The following ALK variants were observed in gnomAD, a reference collection of about 807,000 sequenced individuals.
ALK encodes ALK receptor tyrosine kinase.
A neutral mutation model predicts 163.1 loss-of-function variants in ALK; 74 were observed. That is an observed-to-expected ratio of 0.45 (90% confidence interval 0.38 to 0.55). ALK has a LOEUF of 0.55. Among genes scored for constraint, ALK ranks in the 20% least tolerant of loss-of-function variants. ALK has a pLI of 0.00. For synonymous variants in ALK, 960 were observed against 843.2 expected (o/e 1.14, Z -2.40); for missense variants, 2,063 against 2,105.3 (o/e 0.98, Z 0.39).
chr2:29,573,218 C>T (rs1172906656), intron 3 of ALK, among the ~76,000 whole-genome samples: 1 of 152,200 alleles, frequency 6.6e-6, no homozygotes, highest in Non-Finnish European at 1.5e-5. Flanking sequence ...CCAGCTGCTC[C>T]ATAAACACCT....
chr2:29,529,049 G>A (rs1673042888), intron 4 of ALK, among the ~76,000 whole-genome samples: 1 of 152,174 alleles, frequency 6.6e-6, no homozygotes, highest in Non-Finnish European at 1.5e-5. Flanking sequence ...AGGCAACCAG[G>A]AAGGCAGCAG....
chr2:29,713,364 AG>A (rs1679161825), intron 2 of ALK, among the ~76,000 whole-genome samples: 1 of 152,224 alleles, frequency 6.6e-6, no homozygotes, highest in Non-Finnish European at 1.5e-5. Context: ...GTCAATCCCC[AG>A]GGACCATAGT....
chr2:29,851,982 T>C (rs1427709056), intron 1 of ALK, among the ~76,000 whole-genome samples: 1 of 152,210 alleles, frequency 6.6e-6, no homozygotes, highest in Non-Finnish European at 1.5e-5. Flanking sequence ...CTGTATTTTC[T>C]TATGTGCAGC....
chr2:29,590,105 A>G (rs1675004659), intron 3 of ALK, among the ~76,000 whole-genome samples: 2 of 152,234 alleles, frequency 1.3e-5, no homozygotes, highest in Non-Finnish European at 2.9e-5. Context: ...ACCAGCCAAC[A>G]CTTGAATACA....
Position 29,721,008 on chromosome 2 carries a change from G to A in ALK, c.668-3311C>T, listed in dbSNP as rs76398241. ...AGATGAGAAAGGAGTGGGGAAATAGGAGCAGGAGCTTCTAGGTGCCCAAGT... is the reference window on the plus strand; with the variant it reads ...AGATGAGAAAGGAGTGGGGAAATAGAAGCAGGAGCTTCTAGGTGCCCAAGT... On this transcript the variant is annotated intron_variant, in intron 1 of 28. Transcript: ENST00000389048. Among the ~76,000 whole-genome samples, 1,213 of 152,272 alleles carry A rather than the reference G, an allele frequency of 8.0e-3. 15 individuals carry two copies. Among genetic ancestry groups the A allele is most frequent in the African/African-American group, 0.028 (1,179 of 41,554 alleles).
At chr2:29,595,590 A>G (rs527684834) in intron 3 of ALK, among the ~76,000 whole-genome samples, 29 of 152,222 alleles carry the variant, frequency 1.9e-4, no homozygotes, top group African/African-American at 5.3e-4. Context: ...AAAGTGCTGA[A>G]ATTACAGGCG....
chr2:29,306,339 C>T (rs915149070), intron 8 of ALK, among the ~76,000 whole-genome samples: 1 of 152,212 alleles, frequency 6.6e-6, no homozygotes, highest in African/African-American at 2.4e-5. Flanking sequence ...ACACTATGCT[C>T]TGTGTTCTTT....
intron 4 of ALK, among the ~76,000 whole-genome samples, chr2:29,475,100 C>T (rs1269628317): frequency 6.6e-6 from 1 of 152,158 alleles, no homozygotes; most frequent in Non-Finnish European, 1.5e-5. Flanking sequence ...TCTCTGAGCC[C>T]TTCCGCTGAC....
chr2:29,266,296 C>T (rs1366501413), intron 11 of ALK, among the ~76,000 whole-genome samples: 6 of 152,118 alleles, frequency 3.9e-5, no homozygotes, highest in Non-Finnish European at 8.8e-5. Context: ...ACACAAAATT[C>T]AAGATATTAA....
intron 1 of ALK, among the ~76,000 whole-genome samples, chr2:29,855,727 G>A (rs1012151976): frequency 9.9e-5 from 15 of 152,200 alleles, no homozygotes; most frequent in Non-Finnish European, 1.8e-4. Context: ...TTGGACAGAC[G>A]GAGACCTTGC....
At chr2:29,260,929 C>A (rs1665071623) in intron 11 of ALK, among the ~76,000 whole-genome samples, 1 of 151,990 alleles carries the variant, frequency 6.6e-6, no homozygotes, top group African/African-American at 2.4e-5. Context: ...TTTATCTGGA[C>A]ATTCTCTTAT....
intron 3 of ALK, among the ~76,000 whole-genome samples, chr2:29,638,102 C>T (rs1676595517): frequency 6.6e-6 from 1 of 152,152 alleles, no homozygotes; most frequent in Non-Finnish European, 1.5e-5. Flanking sequence ...CTAAAGCACA[C>T]CTTAAACTTG....
intron 3 of ALK, among the ~76,000 whole-genome samples, chr2:29,562,007 T>C (rs988152420): frequency 4.6e-5 from 7 of 152,086 alleles, no homozygotes; most frequent in Non-Finnish European, 1.0e-4. Flanking sequence ...GAACTTTGGA[T>C]TAATAGAGAG....
intron 1 of ALK, among the ~76,000 whole-genome samples, chr2:29,851,856 GTAGAGCAGGCA>G (rs1224045967): frequency 6.6e-6 from 1 of 152,224 alleles, no homozygotes; most frequent in Non-Finnish European, 1.5e-5. Flanking sequence ...CTGGGAGAGG[GTAGAGCAGGCA>G]TAGACTGCTC....
At chr2:29,303,497 A>G (rs1355211429) in intron 8 of ALK, among the ~76,000 whole-genome samples, 1 of 152,262 alleles carries the variant, frequency 6.6e-6, no homozygotes, top group African/African-American at 2.4e-5. Context: ...AACTAAAAAC[A>G]GAACTACCAT....
At chr2:29,299,714 A>C (rs1188234177) in intron 8 of ALK, among the ~76,000 whole-genome samples, 2 of 152,218 alleles carry the variant, frequency 1.3e-5, no homozygotes, top group Non-Finnish European at 2.9e-5. Flanking sequence ...GGTGGATAAA[A>C]ATGAATGACA....
At chr2:29,372,989 C>G (rs1668673292) in intron 5 of ALK, among the ~76,000 whole-genome samples, 1 of 151,456 alleles carries the variant, frequency 6.6e-6, no homozygotes, top group Non-Finnish European at 1.5e-5. Flanking sequence ...TGCTTCACAG[C>G]CACATTTTTT....
chr2:29,470,308 A>G (rs2148110599), intron 4 of ALK, among the ~76,000 whole-genome samples: 1 of 148,390 alleles, frequency 6.7e-6, no homozygotes, highest in East Asian at 1.9e-4. Context: ...GGAAAGAGGG[A>G]AAGGACAGAG....
chr2:29,354,922 G>A (rs916051540), intron 5 of ALK, among the ~76,000 whole-genome samples: 17 of 152,024 alleles, frequency 1.1e-4, no homozygotes, highest in East Asian at 5.8e-4. Flanking sequence ...GCCTGCCACC[G>A]CGCCTGGCTA....
Sources: allele counts gnomAD v4.1 joint callset (sites outside exome capture counted in the v4.1 genomes callset), GRCh38; gene constraint gnomAD v4.1.1; transcripts MANE v1.5; gene names NCBI Gene and HGNC (gene_info 2026-07-23, HGNC 2026-07-21).